Variants in NLGN4X observed in about 807,000 individuals in gnomAD.
NLGN4X encodes neuroligin 4 X-linked, also known as neuroligin-4, X-linked.
NLGN4X carries 3 observed loss-of-function variants against 40.3 expected under a neutral mutation model. That is an observed-to-expected ratio of 0.07 (90% CI 0.03 to 0.19). The LOEUF (loss-of-function observed/expected upper bound fraction) is 0.19, where lower values mean the gene tolerates loss of function less well. NLGN4X is among the 10% of genes least tolerant of loss of function. The pLI, the probability that NLGN4X is intolerant of heterozygous loss-of-function variation, is 1.00. For missense variants in NLGN4X, 382 were observed against 708.3 expected (o/e 0.54, Z 5.23); for synonymous variants, 270 against 306.8 (o/e 0.88, Z 1.25).
At chrX:6,135,724 G>C (rs1369794971) in intron 2 of NLGN4X, among the ~76,000 whole-genome samples, 3 of 111,509 alleles carry the variant, frequency 2.7e-5, no homozygotes, top group Non-Finnish European at 5.6e-5. Context: ...GCTTCTCTGA[G>C]AAAAGGATGA....
chrX:6,115,758 T>G lies in NLGN4X; in HGVS notation c.472+35237A>C, dbSNP rs936000271. On this transcript the variant is annotated intron_variant, in intron 2 of 5. Coordinates refer to ENST00000381095, the MANE Select transcript of NLGN4X (RefSeq NM_181332.3). Reference sequence around the variant, plus strand: ...GGTAAGGAGGTCAAGGCAGAATCTTTGTGATTGTCTTCTGTCTCTATGCAA... The same window carrying G: ...GGTAAGGAGGTCAAGGCAGAATCTTGGTGATTGTCTTCTGTCTCTATGCAA... 1.8e-4 allele frequency among the ~76,000 whole-genome samples: 20 copies of G among 111,674 alleles called. 1 individual carries two copies. Among genetic ancestry groups the G allele is most frequent in the African/African-American group, 6.5e-4 (20 of 30,604 alleles).
chrX:5,911,691 A>C (rs917768118), intron 3 of NLGN4X, among the ~76,000 whole-genome samples: 1 of 111,907 alleles, frequency 8.9e-6, no homozygotes, highest in African/African-American at 3.3e-5. Context: ...GTACACAATG[A>C]ATGCAATAAT....
In NLGN4X at chrX:6,097,931, A is replaced by C. The variant is rs1478356241; in HGVS notation, c.472+53064T>G. 2.7e-5 allele frequency among the ~76,000 whole-genome samples: 3 copies of C among 112,545 alleles called. No homozygotes were observed. In the Admixed American group the frequency reaches 2.8e-4, roughly 11 times the overall value. On this transcript the variant is annotated intron_variant, in intron 2 of 5. Transcript: ENST00000381095. ...ATCTACCTTTGGGAAGAAAAAAAAA[A>C]GTAAAACCTCAACAGCAATAAATGA...
intron 2 of NLGN4X, among the ~76,000 whole-genome samples, chrX:6,034,974 T>C (rs1459196338): frequency 8.9e-6 from 1 of 111,977 alleles, no homozygotes; most frequent in African/African-American, 3.2e-5. Flanking sequence ...CCTAAAGTGC[T>C]GGGATTACAA....
At position 5,891,355 on chromosome X, in the gene NLGN4X, C is replaced by T. The variant is rs5961883; in HGVS notation, c.*1462G>A. The T allele has an allele frequency of 0.02, 4,288 of 215,782 alleles. 182 individuals carry two copies. The highest frequency in any genetic ancestry group is 0.12 in the African/African-American group (3,936 of 32,888). The allele number at this position is 215,782 out of a possible 1,213,427, so 17.8% of individuals were successfully genotyped here. ...CCGTTTGGTGACCGGATACACAAAT[C>T]CACAAAAAGTGATGTTTTCAGACAA... On this transcript the variant is annotated 3_prime_UTR_variant, in exon 6 of 6. Transcript: ENST00000381095.
intron 3 of NLGN4X, among the ~76,000 whole-genome samples, chrX:6,000,669 A>G: frequency 8.9e-6 from 1 of 111,890 alleles, no homozygotes; most frequent in Middle Eastern, 4.6e-3. Flanking sequence ...CAAGTTACCC[A>G]TATCAATCTG....
Position 5,892,051 on chromosome X carries a change from A to G in NLGN4X, c.*766T>C, listed in dbSNP as rs750040096. 23 of 115,654 alleles carry G rather than the reference A, an allele frequency of 2.0e-4. No homozygotes were observed. The highest frequency in any genetic ancestry group is 5.5e-4 in the East Asian group (2 of 3,612). 9.5% of individuals were successfully genotyped at this position (115,654 alleles called of 1,213,427 possible). ...GACTAATGTGTGTGTGTGTGTGTATATATATATATATTTATATACGTACAG... is the reference window on the plus strand; with the variant it reads ...GACTAATGTGTGTGTGTGTGTGTATGTATATATATATTTATATACGTACAG... On this transcript the variant is annotated 3_prime_UTR_variant, in exon 6 of 6. Transcript: ENST00000381095.
At chrX:6,127,089 G>A (rs965830998) in intron 2 of NLGN4X, among the ~76,000 whole-genome samples, 2 of 111,174 alleles carry the variant, frequency 1.8e-5, no homozygotes, top group African/African-American at 6.5e-5. Flanking sequence ...CTGCTCCTGG[G>A]TTTCAGCCAA....
Position 6,133,283 on chromosome X carries a change from G to A in NLGN4X, c.472+17712C>T, listed in dbSNP as rs188578651. ...AATTGTGTATATTTATTCATATTTT[G>A]ATTGATTGTGTTCTTTGGCCACTGG... On this transcript the variant is annotated intron_variant, in intron 2 of 5. Transcript: ENST00000381095. Among the ~76,000 whole-genome samples, 339 of 110,656 alleles carry A rather than the reference G, an allele frequency of 3.1e-3. 2 individuals carry two copies. Among genetic ancestry groups the A allele is most frequent in the African/African-American group, 0.01 (305 of 30,447 alleles).
At chrX:6,127,595 C>A (rs952029053) in intron 2 of NLGN4X, among the ~76,000 whole-genome samples, 1 of 112,153 alleles carries the variant, frequency 8.9e-6, no homozygotes, top group Non-Finnish European at 1.9e-5. Context: ...GGCTACAGAG[C>A]AAGACTCTGT....
chrX:6,028,408 C>A (rs1237221020), intron 3 of NLGN4X, among the ~76,000 whole-genome samples: 3 of 110,774 alleles, frequency 2.7e-5, no homozygotes, highest in African/African-American at 9.8e-5. Flanking sequence ...CACCTGTAAT[C>A]CCAGCACTTT....
intron 3 of NLGN4X, among the ~76,000 whole-genome samples, chrX:6,010,927 A>T (rs1451207329): frequency 8.9e-6 from 1 of 111,824 alleles, no homozygotes; most frequent in African/African-American, 3.3e-5. Context: ...TTTGAACTTC[A>T]AATAAATGAG....
intron 1 of NLGN4X, among the ~76,000 whole-genome samples, chrX:6,159,387 G>A (rs1333290822): frequency 8.9e-6 from 1 of 111,760 alleles, no homozygotes; most frequent in East Asian, 2.8e-4. Flanking sequence ...TACACATTTT[G>A]ATACACTTTT....
intron 1 of NLGN4X, among the ~76,000 whole-genome samples, chrX:6,219,543 CTT>C (rs1318177445): frequency 1.2e-5 from 1 of 82,183 alleles, no homozygotes; most frequent in African/African-American, 5.1e-5. Flanking sequence ...TTCCTTTTCT[CTT>C]TTCTTTCTTT....
intron 3 of NLGN4X, among the ~76,000 whole-genome samples, chrX:5,989,905 TTAAAA>T (rs1184878185): frequency 2.7e-5 from 3 of 111,475 alleles, no homozygotes; most frequent in Non-Finnish European, 5.6e-5. Context: ...TTAACAACAA[TTAAAA>T]TAAAATACAA....
At chrX:6,112,498 T>C (rs1047242287) in intron 2 of NLGN4X, among the ~76,000 whole-genome samples, 1 of 110,524 alleles carries the variant, frequency 9.0e-6, no homozygotes, top group Non-Finnish European at 1.9e-5. Context: ...ACATCTCTCA[T>C]GCAAAATAAC....
chrX:5,891,115 T>A lies in NLGN4X; in HGVS notation c.*1702A>T, dbSNP rs114253047. The A allele has an allele frequency of 2.2e-3, 551 of 248,041 alleles. 6 individuals are homozygous for A. The highest frequency in any genetic ancestry group is 0.015 in the African/African-American group (523 of 34,364). The allele number at this position is 248,041 out of a possible 1,213,427, so 20.4% of individuals were successfully genotyped here. A position where few individuals can be genotyped will look rare whatever the true frequency, so the allele number is the denominator to read the frequency against. ...TGCTACTATGTTTCCTTCCACCTTA[T>A]AACACTCAAAACTTTCCTGAAAAAT... On this transcript the variant is annotated 3_prime_UTR_variant, in exon 6 of 6. Coordinates refer to ENST00000381095, the MANE Select transcript of NLGN4X (RefSeq NM_181332.3).
In NLGN4X at chrX:6,151,457, G is replaced by A. The variant is rs1277406866; in HGVS notation, c.10C>T (p.Pro4Ser). The A allele has an allele frequency of 1.7e-6, 2 of 1,206,089 alleles. No homozygotes were observed. Among genetic ancestry groups the A allele is most frequent in the Non-Finnish European group, 2.2e-6 (2 of 892,152 alleles). The change falls in exon 2 of 6, where the codon CCC (proline) becomes TCC (serine). Residue 4 changes from proline (P) to serine (S), a missense_variant. Coordinates refer to ENST00000381095, the MANE Select transcript of NLGN4X (RefSeq NM_181332.3). MSR[P>S]QGLLWLPLLF... ...AAAGGAAGCCATAGCAGTCCCTGGG[G>A]CCGTGACATGGTTCAAATCTGCATC...
At chrX:5,919,697 C>G (rs2032953126) in intron 3 of NLGN4X, among the ~76,000 whole-genome samples, 1 of 111,352 alleles carries the variant, frequency 9.0e-6, no homozygotes, top group Non-Finnish European at 1.9e-5. Context: ...ATCTAGGTTG[C>G]CTGCTCCTTA....
Sources: allele counts gnomAD v4.1 joint callset (sites outside exome capture counted in the v4.1 genomes callset), GRCh38; gene constraint gnomAD v4.1.1; transcripts MANE v1.5; gene names NCBI Gene and HGNC (gene_info 2026-07-23, HGNC 2026-07-21).